The following SP140L variants were observed in gnomAD, a reference collection of about 807,000 sequenced individuals.
The protein encoded by SP140L is nuclear body protein SP140-like protein.
In SP140L, 64 loss-of-function variants were observed where a neutral mutation model predicts 84.3. That is an observed-to-expected ratio of 0.76 (90% confidence interval 0.62 to 0.94). The LOEUF is 0.94. SP140L is among the 40% of genes least tolerant of loss of function. The pLI, the probability that SP140L is intolerant of heterozygous loss-of-function variation, is 0.00. For synonymous variants in SP140L, 242 were observed against 236.9 expected (o/e 1.02, Z -0.20); for missense variants, 628 against 692.5 (o/e 0.91, Z 1.05).
intron 2 of SP140L, among the ~76,000 whole-genome samples, chr2:230,339,021 A>G (rs1441791088): frequency 8.6e-5 from 12 of 139,138 alleles, no homozygotes; most frequent in Non-Finnish European, 1.6e-4. Context: ...AAAATGAGTT[A>G]GGGAGGATTC....
At chr2:230,363,577 C>T (rs1261304615) in intron 5 of SP140L, among the ~76,000 whole-genome samples, 1 of 151,638 alleles carries the variant, frequency 6.6e-6, no homozygotes, top group Non-Finnish European at 1.5e-5. Flanking sequence ...GATATTAGCC[C>T]TTATCAGACA....
chr2:230,402,408 G>T (rs986165529), intron 18 of SP140L, among the ~76,000 whole-genome samples: 2 of 152,222 alleles, frequency 1.3e-5, no homozygotes, highest in Non-Finnish European at 2.9e-5. Context: ...AAAGGATCAT[G>T]CTGGTGAGAA....
chr2:230,361,508 ACTTC>A, intron 4 of SP140L, 102 bp from the exon 5 acceptor site: 12 of 659,042 alleles, frequency 1.8e-5, no homozygotes, highest in Non-Finnish European at 2.6e-5. Context: ...TTTAAGTCTG[ACTTC>A]TGAGTCAGCC....
At chr2:230,380,663 C>T (rs1476620731) in intron 7 of SP140L, among the ~76,000 whole-genome samples, 7 of 152,140 alleles carry the variant, frequency 4.6e-5, no homozygotes, top group East Asian at 1.9e-4. Context: ...TCAGGGCAAT[C>T]ACTACTCTTT....
At chr2:230,332,200 T>A (rs1432878350) in intron 2 of SP140L, among the ~76,000 whole-genome samples, 1 of 152,230 alleles carries the variant, frequency 6.6e-6, no homozygotes, top group Non-Finnish European at 1.5e-5. Flanking sequence ...ATCTTTGAGG[T>A]CATCATATCA....
At chr2:230,387,571 G>T (rs1222324995) in intron 9 of SP140L, among the ~76,000 whole-genome samples, 1 of 152,160 alleles carries the variant, frequency 6.6e-6, no homozygotes, top group African/African-American at 2.4e-5. Flanking sequence ...GAATAAGTAG[G>T]TTGGAAAATA....
At chr2:230,400,674 C>A (rs2062287557) in intron 15 of SP140L, 2 of 642,778 alleles carry the variant, frequency 3.1e-6, no homozygotes, top group Non-Finnish European at 5.2e-6. Context: ...GCCTGGCAGG[C>A]AGGACTCCTT....
chr2:230,359,542 A>G (rs934785538), intron 4 of SP140L, among the ~76,000 whole-genome samples: 2 of 152,280 alleles, frequency 1.3e-5, no homozygotes, highest in Non-Finnish European at 2.9e-5. Context: ...TTGGCATAAC[A>G]CCACATATCT....
chr2:230,379,170 T>C (rs2061333375), intron 7 of SP140L, among the ~76,000 whole-genome samples: 1 of 152,212 alleles, frequency 6.6e-6, no homozygotes, highest in African/African-American at 2.4e-5. Context: ...TTTGCAATTT[T>C]ATCTGATAAT....
intron 14 of SP140L, 86 bp from the exon 15 acceptor site, chr2:230,400,041 A>G: frequency 1.4e-6 from 2 of 1,402,700 alleles, no homozygotes; most frequent in Non-Finnish European, 2.0e-6. Flanking sequence ...AGGCTCACAC[A>G]TAAGCAGTGT....
At chr2:230,370,262 A>G (rs1473588626) in intron 5 of SP140L, among the ~76,000 whole-genome samples, 3 of 152,132 alleles carry the variant, frequency 2.0e-5, no homozygotes, top group African/African-American at 7.2e-5. Context: ...ATTTTTTTCC[A>G]GAGAGCACTT....
chr2:230,349,892 C>T (rs988838248), intron 2 of SP140L, among the ~76,000 whole-genome samples: 4 of 152,116 alleles, frequency 2.6e-5, no homozygotes, highest in Admixed American at 6.5e-5. Context: ...GCCTGTAATT[C>T]CAGCTACTAG....
In SP140L at chr2:230,388,763, A is replaced by G. The variant is rs1019651874; in HGVS notation, c.859+130A>G. On this transcript the variant is annotated intron_variant, in intron 10 of 18. Transcript: ENST00000415673. ...AGCTATACTAACTATTGAAAAACAT[A>G]TCTTATTAAGTCATTTTCCAAAATG... 5 of 777,078 alleles carry G rather than the reference A, an allele frequency of 6.4e-6. No homozygotes were observed. The South Asian group carries it at 9.6e-5, about 15-fold the overall frequency. 48.1% of individuals were successfully genotyped at this position (777,078 alleles called of 1,614,324 possible).
chr2:230,401,083 C>T lies in SP140L; in HGVS notation c.1422+20C>T. 9.6e-7 allele frequency: 1 copy of T among 1,041,890 alleles called. No homozygotes were observed. The highest frequency in any genetic ancestry group is 1.4e-6 in the Non-Finnish European group (1 of 719,582). 64.5% of individuals were successfully genotyped at this position (1,041,890 alleles called of 1,614,324 possible). A position where few individuals can be genotyped will look rare whatever the true frequency, so the allele number is the denominator to read the frequency against. On this transcript the variant is annotated intron_variant, in intron 16 of 18. Transcript: ENST00000415673. ...CAGTTGGTAAATCAGATGCAAACCC[C>T]AAGCCTTCTCCTTTCCCCTCACACG... is the stretch of plus-strand genomic sequence containing the variant.
intron 3 of SP140L, among the ~76,000 whole-genome samples, chr2:230,358,242 A>C (rs2060609396): frequency 6.6e-6 from 1 of 152,246 alleles, no homozygotes; most frequent in African/African-American, 2.4e-5. Context: ...AAATAATTTT[A>C]ATGAATTGAT....
chr2:230,374,315 CAAA>C (rs35573735), intron 7 of SP140L, among the ~76,000 whole-genome samples: 2 of 121,216 alleles, frequency 1.6e-5, no homozygotes, highest in Non-Finnish European at 1.8e-5. Flanking sequence ...GACTCCATCT[CAAA>C]AAAAAAAAAA....
intron 7 of SP140L, among the ~76,000 whole-genome samples, chr2:230,382,532 A>G (rs2061443393): frequency 6.6e-6 from 1 of 152,122 alleles, no homozygotes; most frequent in South Asian, 2.1e-4. Flanking sequence ...TCTCACTTAG[A>G]TCTTCCATCC....
chr2:230,400,040 C>T (rs917460553), intron 14 of SP140L, 87 bp from the exon 15 acceptor site: 56 of 1,400,326 alleles, frequency 4.0e-5, no homozygotes, highest in Admixed American at 2.0e-4. Flanking sequence ...CAGGCTCACA[C>T]ATAAGCAGTG....
At chr2:230,391,991 A>ACC in intron 11 of SP140L, 96 bp from the exon 12 acceptor site, 1 of 1,534,934 alleles carries the variant, frequency 6.5e-7, no homozygotes, top group Non-Finnish European at 8.9e-7. Flanking sequence ...GATCTTCATC[A>ACC]CAAATTGGGT....
Sources: gnomAD v4.1 joint callset for allele counts (sites outside exome capture counted in the v4.1 genomes callset) on GRCh38, gnomAD v4.1.1 for gene constraint, MANE v1.5 for transcripts, NCBI Gene and HGNC (gene_info 2026-07-23, HGNC 2026-07-21) for gene names.